Variants in NKAIN1 observed in about 807,000 individuals in gnomAD.
NKAIN1 encodes sodium/potassium transporting ATPase interacting 1.
NKAIN1 carries 13 observed loss-of-function variants against 31.6 expected under a neutral mutation model. The ratio of observed to expected loss-of-function variants is 0.41; its 90% CI spans 0.27 to 0.65. The LOEUF (loss-of-function observed/expected upper bound fraction) is 0.65, where lower values mean the gene tolerates loss of function less well. Among genes scored for constraint, NKAIN1 ranks in the 30% least tolerant of loss-of-function variants. The probability of loss-of-function intolerance (pLI) is 0.30; values close to 1 mark genes in which losing one functional copy is unlikely to be tolerated. For synonymous variants in NKAIN1, 104 were observed against 109.0 expected (o/e 0.95, Z 0.28); for missense variants, 193 against 262.2 (o/e 0.74, Z 1.82).
intron 1 of NKAIN1, among the ~76,000 whole-genome samples, chr1:31,208,150 A>C (rs1375225925): frequency 6.6e-6 from 1 of 152,076 alleles, no homozygotes; most frequent in Non-Finnish European, 1.5e-5. Flanking sequence ...TCCCCACTCC[A>C]TCATTTACTA....
intron 1 of NKAIN1, among the ~76,000 whole-genome samples, chr1:31,210,748 G>A (rs747081527): frequency 1.3e-5 from 2 of 152,218 alleles, no homozygotes; most frequent in African/African-American, 2.4e-5. Flanking sequence ...ACAGGGGTGA[G>A]TAAGGAGAAA....
At chr1:31,190,426 A>G (rs1453167476) in intron 1 of NKAIN1, among the ~76,000 whole-genome samples, 1 of 152,168 alleles carries the variant, frequency 6.6e-6, no homozygotes, top group Non-Finnish European at 1.5e-5. Flanking sequence ...TTTCATTTTG[A>G]GGAAAGAGAA....
At chr1:31,216,584 A>G (rs373090515) in intron 1 of NKAIN1, among the ~76,000 whole-genome samples, 1 of 152,276 alleles carries the variant, frequency 6.6e-6, no homozygotes. Context: ...CATGAGTTTA[A>G]CAGACTCGCT....
At chr1:31,226,892 C>T (rs568073817) in intron 1 of NKAIN1, among the ~76,000 whole-genome samples, 1 of 152,044 alleles carries the variant, frequency 6.6e-6, no homozygotes, top group South Asian at 2.1e-4. Flanking sequence ...GTTGCAATCT[C>T]GTCTCACTGC....
chr1:31,211,718 G>C (rs375747852), intron 1 of NKAIN1, among the ~76,000 whole-genome samples: 28 of 152,046 alleles, frequency 1.8e-4, no homozygotes, highest in African/African-American at 6.3e-4. Flanking sequence ...GGAGGCCAAG[G>C]GGGGTGGATT....
At chr1:31,217,494 C>T (rs1429462518) in intron 1 of NKAIN1, among the ~76,000 whole-genome samples, 1 of 152,114 alleles carries the variant, frequency 6.6e-6, no homozygotes, top group Non-Finnish European at 1.5e-5. Context: ...AGTGGCACCT[C>T]CTAGACTGAT....
rs1645197424 is a variant in NKAIN1 at position 31,181,536 on chromosome 1, A to C, written c.*167T>G. On this transcript the variant is annotated 3_prime_UTR_variant, in exon 7 of 7. Coordinates refer to ENST00000373736, the MANE Select transcript of NKAIN1 (RefSeq NM_024522.3). ...AGAGCCAAGCTCAAATCCAAGTCCA[A>C]GTCCAAGTCCACGTCCAAGTCCGCA... 1.7e-6 allele frequency: 1 copy of C among 573,376 alleles called. No homozygotes were observed. Among genetic ancestry groups the C allele is most frequent in the Non-Finnish European group, 2.7e-6 (1 of 368,112 alleles). The allele number at this position is 573,376 out of a possible 1,614,324, so 35.5% of individuals were successfully genotyped here.
chr1:31,196,085 T>A (rs1645324062), intron 1 of NKAIN1, among the ~76,000 whole-genome samples: 1 of 151,066 alleles, frequency 6.6e-6, no homozygotes, highest in African/African-American at 2.4e-5. Context: ...TGTCATTAAA[T>A]TCAGCAGATA....
chr1:31,235,245 GA>G (rs1253019125), intron 1 of NKAIN1, among the ~76,000 whole-genome samples: 2 of 152,158 alleles, frequency 1.3e-5, no homozygotes, highest in African/African-American at 4.8e-5. Context: ...AAGGTTTCAG[GA>G]AGGAGGTGAA....
chr1:31,192,874 T>C (rs1645296914), intron 1 of NKAIN1, among the ~76,000 whole-genome samples: 1 of 149,522 alleles, frequency 6.7e-6, no homozygotes, highest in South Asian at 2.2e-4. Context: ...TTTTAAAAAA[T>C]TTAGATGTAG....
At chr1:31,184,246 G>A (rs1192866448) in intron 3 of NKAIN1, among the ~76,000 whole-genome samples, 1 of 152,154 alleles carries the variant, frequency 6.6e-6, no homozygotes, top group Non-Finnish European at 1.5e-5. Flanking sequence ...TTCAGAGCTG[G>A]AAGGAACATT....
intron 1 of NKAIN1, among the ~76,000 whole-genome samples, chr1:31,202,092 A>C (rs1440390901): frequency 6.6e-6 from 1 of 152,148 alleles, no homozygotes; most frequent in Non-Finnish European, 1.5e-5. Flanking sequence ...GATGCGACTG[A>C]TTGGGCCAGC....
At chr1:31,237,549 G>T (rs1645701727) in intron 1 of NKAIN1, among the ~76,000 whole-genome samples, 1 of 151,754 alleles carries the variant, frequency 6.6e-6, no homozygotes, top group South Asian at 2.1e-4. Context: ...GTCCAGGCTG[G>T]AGTGCAGCGG....
At chr1:31,201,727 C>T (rs72891344) in intron 1 of NKAIN1, among the ~76,000 whole-genome samples, 11,467 of 152,182 alleles carry the variant, frequency 0.075, 1,047 homozygotes, top group African/African-American at 0.22. Context: ...CCTAAGGGGA[C>T]GCAGAACGGC....
chr1:31,195,478 C>G (rs150647289), intron 1 of NKAIN1, among the ~76,000 whole-genome samples: 5,130 of 152,120 alleles, frequency 0.034, 158 homozygotes, highest in African/African-American at 0.075. Context: ...GGCTGGCCCC[C>G]GCCACCTGCA....
intron 1 of NKAIN1, among the ~76,000 whole-genome samples, chr1:31,226,074 C>T (rs1220239733): frequency 3.3e-5 from 5 of 152,260 alleles, no homozygotes; most frequent in East Asian, 1.9e-4. Context: ...GACTGCCTGG[C>T]ACATAGTGCT....
At chr1:31,199,407 C>T (rs1044057552) in intron 1 of NKAIN1, among the ~76,000 whole-genome samples, 2 of 152,162 alleles carry the variant, frequency 1.3e-5, no homozygotes, top group Non-Finnish European at 1.5e-5. Context: ...TTTGTTGCAT[C>T]CCCAACCTCA....
Position 31,181,664 on chromosome 1 carries a change from A to T in NKAIN1, c.*39T>A, listed in dbSNP as rs1366459949. 7.0e-7 allele frequency: 1 copy of T among 1,433,656 alleles called. No homozygotes were observed. Among genetic ancestry groups the T allele is most frequent in the Non-Finnish European group, 9.2e-7 (1 of 1,087,686 alleles). 88.8% of individuals were successfully genotyped at this position (1,433,656 alleles called of 1,614,324 possible). ...GCCCGAGCTCGCGGCAGCTGCGGTCAGCCCAGGGCGAGGCGCCGGGGTGGG... is the reference window on the plus strand; with the variant it reads ...GCCCGAGCTCGCGGCAGCTGCGGTCTGCCCAGGGCGAGGCGCCGGGGTGGG... On this transcript the variant is annotated 3_prime_UTR_variant, in exon 7 of 7. Transcript: ENST00000373736.
At chr1:31,236,538 T>A (rs937588547) in intron 1 of NKAIN1, among the ~76,000 whole-genome samples, 1 of 152,130 alleles carries the variant, frequency 6.6e-6, no homozygotes, top group African/African-American at 2.4e-5. Context: ...ATGGAAGCTA[T>A]CAGGCAGTAG....
Sources: gnomAD v4.1 joint callset for allele counts (sites outside exome capture counted in the v4.1 genomes callset) on GRCh38, gnomAD v4.1.1 for gene constraint, MANE v1.5 for transcripts, NCBI Gene and HGNC (gene_info 2026-07-23, HGNC 2026-07-21) for gene names.